KANK1: variants seen among roughly 807,000 people sequenced by gnomAD.
KANK1 encodes the protein KN motif and ankyrin repeat domains 1.
KANK1 carries 109 observed loss-of-function variants against 106.2 expected under a neutral mutation model. The observed-to-expected ratio is 1.03, with a 90% CI of 0.88 to 1.20. KANK1 has a LOEUF of 1.20. KANK1 is among the 50% of genes most tolerant of loss of function. The pLI, the probability that KANK1 is intolerant of heterozygous loss-of-function variation, is 0.00. For missense variants in KANK1, 2,399 were observed against 1,710.7 expected, an observed-to-expected ratio of 1.40 and a Z score of -7.10; for synonymous variants, 873 against 652.2, an observed-to-expected ratio of 1.34 and a Z score of -5.16.
rs755985194 is a variant in KANK1, at chr9:742,405, C to T, written c.3897C>T (p.Asn1299=). Reference sequence around the variant, plus strand: ...GCTGCAACGGTCACCTAGAGGACAACGTAAGCTGTCTCCATTGGGCCTCCT... The same window carrying T: ...GCTGCAACGGTCACCTAGAGGACAATGTAAGCTGTCTCCATTGGGCCTCCT... ...QPGCNGHLED[N]DGSTALSIAL... The change falls in exon 10 of 12, where the codon AAC becomes AAT. Residue 1299 remains asparagine, a splice_region_variant and synonymous_variant. Coordinates refer to ENST00000382297, the MANE Select transcript of KANK1 (RefSeq NM_015158.5). The T allele has an allele frequency of 1.6e-5, 25 of 1,609,220 alleles. No homozygotes were observed. Among genetic ancestry groups the T allele is most frequent in the African/African-American group, 8.0e-5 (6 of 74,876 alleles).
chr9:683,270 G>A (rs952626169), intron 2 of KANK1, among the ~76,000 whole-genome samples: 2 of 152,274 alleles, frequency 1.3e-5, no homozygotes, highest in Middle Eastern at 6.8e-3. Flanking sequence ...ATTAAAATGT[G>A]TGTTCTTATT....
chr9:734,647 C>G, intron 6 of KANK1, 101 bp from the exon 7 acceptor site: 1 of 761,046 alleles, frequency 1.3e-6, no homozygotes, highest in Non-Finnish European at 2.2e-6. Context: ...GCCTGGGCGA[C>G]AGAGCATGAC....
chr9:626,935 C>T (rs1038917206), intron 1 of KANK1, among the ~76,000 whole-genome samples: 6 of 152,094 alleles, frequency 3.9e-5, no homozygotes, highest in African/African-American at 1.2e-4. Context: ...TGGTGTACAT[C>T]GGTGCTTCTC....
rs1024409174 is a variant in KANK1, at chr9:649,782, G to A, written c.-83-27108G>A. Among the ~76,000 whole-genome samples, 26 of 152,098 alleles carry A rather than the reference G, an allele frequency of 1.7e-4. 1 individual carries two copies. Among genetic ancestry groups the A allele is most frequent in the Admixed American group, 1.4e-3 (22 of 15,274 alleles). On this transcript the variant is annotated intron_variant, in intron 1 of 11. Transcript: ENST00000382297. ...CGTTTTTGACCATCATTCACCCATG[G>A]CAGCCAACCAGGGAGGTGTAAAATG...
chr9:686,986 G>C, intron 2 of KANK1: 2 of 942,120 alleles, frequency 2.1e-6, no homozygotes, highest in Non-Finnish European at 2.5e-6. Context: ...GTTGTCCCTG[G>C]ATGCTTTGAG....
intron 1 of KANK1, among the ~76,000 whole-genome samples, chr9:617,400 A>T (rs1043420422): frequency 6.6e-6 from 1 of 152,178 alleles, no homozygotes; most frequent in Non-Finnish European, 1.5e-5. Flanking sequence ...CCTATGTTTT[A>T]TTCCCTTATT....
At chr9:702,802 C>G (rs1823016248) in intron 2 of KANK1, among the ~76,000 whole-genome samples, 1 of 152,150 alleles carries the variant, frequency 6.6e-6, no homozygotes, top group Admixed American at 6.6e-5. Flanking sequence ...TCATCTTCTT[C>G]CCCTTGTCTA....
intron 3 of KANK1, among the ~76,000 whole-genome samples, chr9:479,438 C>G (rs2058165037): frequency 2.0e-5 from 3 of 152,168 alleles, no homozygotes; most frequent in Admixed American, 2.0e-4. Context: ...ACAGACATCT[C>G]CACATAAATG....
intron 1 of KANK1, among the ~76,000 whole-genome samples, chr9:613,443 A>G (rs1052981887): frequency 6.6e-6 from 1 of 151,980 alleles, no homozygotes; most frequent in Non-Finnish European, 1.5e-5. Context: ...ACAAATTTGT[A>G]AACTTCTTAA....
intron 2 of KANK1, among the ~76,000 whole-genome samples, chr9:702,139 G>A (rs1260182630): frequency 6.6e-6 from 1 of 152,146 alleles, no homozygotes; most frequent in African/African-American, 2.4e-5. Flanking sequence ...TTGGTGTTTG[G>A]TTACCCCAAA....
At chr9:721,709 G>T (rs1158539395) in intron 3 of KANK1, among the ~76,000 whole-genome samples, 1 of 152,182 alleles carries the variant, frequency 6.6e-6, no homozygotes, top group Non-Finnish European at 1.5e-5. Flanking sequence ...CTTCAGGTTG[G>T]TTCTACAGGG....
At chr9:545,023 C>T (rs141180476) in intron 1 of KANK1, among the ~76,000 whole-genome samples, 43 of 152,116 alleles carry the variant, frequency 2.8e-4, no homozygotes, top group African/African-American at 1.0e-3. Context: ...GTAGCCTGAG[C>T]TGACCTTGGG....
At chr9:623,777 C>G (rs1833733673) in intron 1 of KANK1, among the ~76,000 whole-genome samples, 1 of 151,924 alleles carries the variant, frequency 6.6e-6, no homozygotes, top group Non-Finnish European at 1.5e-5. Flanking sequence ...GAAAGGGAAC[C>G]CTTGTACGCT....
At chr9:478,551 C>G (rs1320182306) in intron 3 of KANK1, 1 of 152,264 alleles carries the variant, frequency 6.6e-6, no homozygotes, top group African/African-American at 2.4e-5. Flanking sequence ...CAAATCTAAT[C>G]ACAGCATAAG....
chr9:555,073 T>C (rs1204920267), intron 1 of KANK1, among the ~76,000 whole-genome samples: 1 of 152,180 alleles, frequency 6.6e-6, no homozygotes, highest in Non-Finnish European at 1.5e-5. Context: ...CCAGGTAATG[T>C]TTCTGCTGCT....
chr9:572,377 C>T (rs750312443), intron 1 of KANK1, among the ~76,000 whole-genome samples: 7 of 151,650 alleles, frequency 4.6e-5, no homozygotes, highest in East Asian at 1.9e-4. Context: ...AGTGAAACCC[C>T]GTCTCTACTA....
At chr9:539,481 A>G (rs1027885047) in intron 1 of KANK1, 2 of 152,084 alleles carry the variant, frequency 1.3e-5, no homozygotes, top group African/African-American at 4.8e-5. Context: ...TAAATTTATT[A>G]CTAAGTATTT....
rs1828239540 is a variant in KANK1, at chr9:603,286, G to A, written c.-83-73604G>A. On this transcript the variant is annotated intron_variant, in intron 1 of 11. Transcript: ENST00000382297. ...AATCTCAACTGGCAGATAAAGCCTA[G>A]TATTGAATTGTTTTCAGTTCAGAAA... Among the ~76,000 whole-genome samples the A allele has an allele frequency of 1.3e-5, 2 of 151,858 alleles. 1 individual carries two copies. Among genetic ancestry groups the A allele is most frequent in the African/African-American group, 4.9e-5 (2 of 41,128 alleles).
intron 1 of KANK1, among the ~76,000 whole-genome samples, chr9:621,079 T>TA (rs1833039977): frequency 6.6e-6 from 1 of 152,174 alleles, no homozygotes; most frequent in Admixed American, 6.5e-5. Flanking sequence ...ACTAGAAATC[T>TA]AAGCTATTCA....
Sources: allele counts gnomAD v4.1 joint callset (sites outside exome capture counted in the v4.1 genomes callset), GRCh38; gene constraint gnomAD v4.1.1; transcripts MANE v1.5; gene names NCBI Gene and HGNC (gene_info 2026-07-23, HGNC 2026-07-21).